AFAP1: variants seen among roughly 807,000 people sequenced by gnomAD.
The protein encoded by AFAP1 is actin filament associated protein 1, also known as actin filament-associated protein 1.
AFAP1 carries 75 observed loss-of-function variants against 93.9 expected under a neutral mutation model. That is an observed-to-expected ratio of 0.80 (90% confidence interval 0.66 to 0.97). AFAP1 has a LOEUF of 0.97. Among genes scored for constraint, AFAP1 ranks in the 50% least tolerant of loss-of-function variants. The pLI, the probability that AFAP1 is intolerant of heterozygous loss-of-function variation, is 0.00. For synonymous variants in AFAP1, 517 were observed against 430.7 expected, an observed-to-expected ratio of 1.20 and a Z score of -2.48; for missense variants, 1,201 against 1,050.8, an observed-to-expected ratio of 1.14 and a Z score of -1.98.
At chr4:7,819,566 C>A (rs1302015256) in intron 6 of AFAP1, among the ~76,000 whole-genome samples, 1 of 152,144 alleles carries the variant, frequency 6.6e-6, no homozygotes, top group Non-Finnish European at 1.5e-5. Context: ...GGGCCTTATG[C>A]AATGATGCTG....
At chr4:7,884,758 T>C (rs1463078240) in intron 1 of AFAP1, among the ~76,000 whole-genome samples, 1 of 152,236 alleles carries the variant, frequency 6.6e-6, no homozygotes, top group East Asian at 1.9e-4. Context: ...AATTCTTTTA[T>C]AACCTGGGTG....
rs547521201 is a variant in AFAP1 at position 7,791,026 on chromosome 4, A to G, written c.1412+2655T>C. The stretch of plus-strand genomic sequence containing the variant: ...TCTTAGCCCCAGAATGTCCTAGCTA[A>G]GCATTAAATGAGTATCCATTCACCA... On this transcript the variant is annotated intron_variant, in intron 11 of 17. Transcript: ENST00000420658. Among the ~76,000 whole-genome samples the G allele has an allele frequency of 1.6e-3, 238 of 152,384 alleles. 1 individual carries two copies. Among genetic ancestry groups the G allele is most frequent in the Non-Finnish European group, 2.3e-3 (158 of 68,046 alleles).
At chr4:7,914,383 A>T (rs999719659) in intron 1 of AFAP1, among the ~76,000 whole-genome samples, 2 of 152,288 alleles carry the variant, frequency 1.3e-5, no homozygotes, top group Non-Finnish European at 2.9e-5. Context: ...TGTTATCCAC[A>T]TAAGAGAACA....
At chr4:7,782,992 A>G (rs1046354094) in intron 12 of AFAP1, among the ~76,000 whole-genome samples, 1 of 152,234 alleles carries the variant, frequency 6.6e-6, no homozygotes, top group African/African-American at 2.4e-5. Flanking sequence ...GAAGACTCAG[A>G]AAAACACCTA....
intron 3 of AFAP1, among the ~76,000 whole-genome samples, chr4:7,856,342 A>G (rs1320342703): frequency 6.6e-6 from 1 of 151,878 alleles, no homozygotes; most frequent in East Asian, 1.9e-4. Context: ...TCCTGGGTTC[A>G]TGCCATTCTC....
intron 1 of AFAP1, among the ~76,000 whole-genome samples, chr4:7,878,093 T>A (rs796992916): frequency 2.6e-5 from 4 of 152,356 alleles, no homozygotes; most frequent in African/African-American, 9.6e-5. Flanking sequence ...AAGAAGTTCT[T>A]GCAACCAATT....
chr4:7,925,949 C>T (rs560526473), intron 1 of AFAP1, among the ~76,000 whole-genome samples: 1 of 152,204 alleles, frequency 6.6e-6, no homozygotes, highest in Admixed American at 6.5e-5. Context: ...AATTTTACCT[C>T]CAAGATTGCA....
intron 8 of AFAP1, among the ~76,000 whole-genome samples, chr4:7,813,511 T>C (rs764710527): frequency 5.3e-5 from 8 of 152,300 alleles, no homozygotes; most frequent in Admixed American, 1.3e-4. Flanking sequence ...TAGAACCTAA[T>C]AGATGCACTG....
chr4:7,763,829 G>A (rs373273985), intron 17 of AFAP1, 38 bp from the exon 18 acceptor site: 2 of 1,550,804 alleles, frequency 1.3e-6, no homozygotes, highest in Non-Finnish European at 1.7e-6. Flanking sequence ...GACAGGGCAA[G>A]AGGATCAGGC....
intron 9 of AFAP1, among the ~76,000 whole-genome samples, chr4:7,802,626 C>T (rs947979296): frequency 2.7e-5 from 4 of 146,468 alleles, no homozygotes; most frequent in Non-Finnish European, 4.5e-5. Context: ...GATGTAGTTC[C>T]AATACATTTA....
At chr4:7,877,948 A>G (rs1237543179) in intron 1 of AFAP1, among the ~76,000 whole-genome samples, 1 of 152,132 alleles carries the variant, frequency 6.6e-6, no homozygotes, top group Non-Finnish European at 1.5e-5. Flanking sequence ...GCATCTCTGT[A>G]TCTCTGCTGG....
intron 10 of AFAP1, among the ~76,000 whole-genome samples, chr4:7,795,002 A>G (rs1718258777): frequency 6.6e-6 from 1 of 152,236 alleles, no homozygotes; most frequent in South Asian, 2.1e-4. Flanking sequence ...GCTTATAAAA[A>G]TTACTAATTT....
chr4:7,865,859 G>A (rs1716335887), intron 3 of AFAP1, among the ~76,000 whole-genome samples: 2 of 152,304 alleles, frequency 1.3e-5, no homozygotes, highest in South Asian at 4.1e-4. Flanking sequence ...TCTTCCAGCT[G>A]CTTCTTTTGT....
chr4:7,806,773 G>T lies in AFAP1; in HGVS notation c.1054+2841C>A, dbSNP rs79730876. Among the ~76,000 whole-genome samples, 1,458 of 152,236 alleles carry T rather than the reference G, an allele frequency of 9.6e-3. 30 individuals are homozygous for T. The highest frequency in any genetic ancestry group is 0.03 in the African/African-American group (1,257 of 41,532). On this transcript the variant is annotated intron_variant, in intron 9 of 17. Transcript: ENST00000420658. ...CAGAGGATGTTCTGTTAATATTGAGGCAAAAGCTGTCCACTAAGCAGTTTG... is the reference window on the plus strand; with the variant it reads ...CAGAGGATGTTCTGTTAATATTGAGTCAAAAGCTGTCCACTAAGCAGTTTG...
intron 6 of AFAP1, 65 bp downstream of exon 6, chr4:7,838,459 A>G (rs1255611300): frequency 3.3e-6 from 5 of 1,519,066 alleles, no homozygotes; most frequent in African/African-American, 1.4e-5. Flanking sequence ...TAAAATTAAA[A>G]TTAAAATGGA....
At chr4:7,899,881 TA>T (rs1553853510) in intron 1 of AFAP1, among the ~76,000 whole-genome samples, 1 of 151,582 alleles carries the variant, frequency 6.6e-6, no homozygotes, top group Non-Finnish European at 1.5e-5. Flanking sequence ...AATAAATAAA[TA>T]AAAAAGGAAG....
At chr4:7,850,295 C>A (rs189471697) in intron 4 of AFAP1, among the ~76,000 whole-genome samples, 1 of 152,150 alleles carries the variant, frequency 6.6e-6, no homozygotes, top group African/African-American at 2.4e-5. Flanking sequence ...GTGCACATGA[C>A]CATCCAACAT....
intron 1 of AFAP1, among the ~76,000 whole-genome samples, chr4:7,935,711 A>C (rs2385911): frequency 0.89 from 136,244 of 152,242 alleles, 61,119 homozygotes; most frequent in African/African-American, 0.95. Context: ...TCTAGGATAC[A>C]ATACCAATGG....
chr4:7,921,498 CCTAT>C (rs1427655532), intron 1 of AFAP1, among the ~76,000 whole-genome samples: 7 of 151,926 alleles, frequency 4.6e-5, no homozygotes, highest in South Asian at 2.1e-4. Context: ...TTTTTTTTAA[CCTAT>C]CTATTAGACT....
Sources: gnomAD v4.1 joint callset for allele counts (sites outside exome capture counted in the v4.1 genomes callset) on GRCh38, gnomAD v4.1.1 for gene constraint, MANE v1.5 for transcripts, NCBI Gene and HGNC (gene_info 2026-07-23, HGNC 2026-07-21) for gene names.